RXRA: variants seen among roughly 807,000 people sequenced by gnomAD.
RXRA encodes the protein retinoic acid receptor RXR-alpha.
Under a neutral mutation model 44.5 loss-of-function variants are expected in RXRA, and 5 were observed. That is an observed-to-expected ratio of 0.11 (90% CI 0.06 to 0.24). The LOEUF (loss-of-function observed/expected upper bound fraction) is 0.24, where lower values mean the gene tolerates loss of function less well. Among genes scored for constraint, RXRA ranks in the 10% least tolerant of loss-of-function variants. The pLI is 1.00. For synonymous variants in RXRA, 291 were observed against 271.4 expected, an observed-to-expected ratio of 1.07 and a Z score of -0.71; for missense variants, 412 against 646.5, an observed-to-expected ratio of 0.64 and a Z score of 3.93.
At chr9:134,329,092 A>G (rs1438646230) in intron 1 of RXRA, among the ~76,000 whole-genome samples, 2 of 152,238 alleles carry the variant, frequency 1.3e-5, no homozygotes, top group African/African-American at 4.8e-5. Context: ...CACAGAGTCC[A>G]AAGGTCTCAG....
intron 1 of RXRA, among the ~76,000 whole-genome samples, chr9:134,333,126 A>G (rs1835032001): frequency 6.6e-6 from 1 of 152,110 alleles, no homozygotes; most frequent in Admixed American, 6.5e-5. Context: ...GAGACCATGG[A>G]GGGGACCAGA....
At chr9:134,379,934 C>G (rs1748371187) in intron 1 of RXRA, 1 of 985,170 alleles carries the variant, frequency 1.0e-6, no homozygotes, top group African/African-American at 1.7e-5. Context: ...GTCTGAGACT[C>G]TGGCCTCCCA....
intron 9 of RXRA, among the ~76,000 whole-genome samples, chr9:134,434,642 G>C (rs574417003): frequency 6.6e-6 from 1 of 152,218 alleles, no homozygotes; most frequent in Non-Finnish European, 1.5e-5. Context: ...AGGCGGTCAC[G>C]GCCTGAGCGT....
At chr9:134,405,721 G>T (rs2119150881) in intron 2 of RXRA, 1 of 152,658 alleles carries the variant, frequency 6.6e-6, no homozygotes, top group Non-Finnish European at 1.5e-5. Flanking sequence ...GTCATGGCCT[G>T]TGCTCCTCCA....
At chr9:134,381,327 TGA>T (rs1041888546) in intron 1 of RXRA, among the ~76,000 whole-genome samples, 5 of 145,030 alleles carry the variant, frequency 3.4e-5, no homozygotes, top group South Asian at 2.1e-4. Context: ...CTGGAGGAGT[TGA>T]GCTCAGACCT....
At chr9:134,386,631 G>A (rs1039505891) in intron 1 of RXRA, among the ~76,000 whole-genome samples, 5 of 152,206 alleles carry the variant, frequency 3.3e-5, no homozygotes, top group African/African-American at 1.2e-4. Context: ...TCATGGGAGC[G>A]TTCTGATTCT....
At chr9:134,339,692 TCTGTGTGTGTGC>T (rs1444058082) in intron 1 of RXRA, among the ~76,000 whole-genome samples, 3 of 149,752 alleles carry the variant, frequency 2.0e-5, no homozygotes, top group Non-Finnish European at 3.0e-5. Flanking sequence ...TGTGTGTGTC[TCTGTGTGTGTGC>T]CTGTGTGTGT....
At chr9:134,401,945 GCAGGACGAC>G (rs1265179738) in intron 2 of RXRA, 63 bp downstream of exon 2, 2 of 1,335,570 alleles carry the variant, frequency 1.5e-6, no homozygotes, top group South Asian at 2.8e-5. Context: ...GGCTTCAACT[GCAGGACGAC>G]CGCCTCATCT....
At chr9:134,350,879 GTCC>G (rs1412759427) in intron 1 of RXRA, among the ~76,000 whole-genome samples, 2 of 152,226 alleles carry the variant, frequency 1.3e-5, no homozygotes, top group African/African-American at 2.4e-5. Flanking sequence ...CTGCCGCCTT[GTCC>G]TCATCTGTAC....
chr9:134,386,150 C>T (rs910775530), intron 1 of RXRA, among the ~76,000 whole-genome samples: 7 of 152,248 alleles, frequency 4.6e-5, no homozygotes, highest in African/African-American at 1.4e-4. Context: ...CGACCAGCTC[C>T]AGGCTGCCTG....
intron 6 of RXRA, chr9:134,423,432 C>T: frequency 1.0e-6 from 1 of 985,458 alleles, no homozygotes. Flanking sequence ...GTGGAGAAGA[C>T]ACAGCCAGAG....
intron 1 of RXRA, among the ~76,000 whole-genome samples, chr9:134,336,828 A>G (rs1408423454): frequency 6.6e-6 from 1 of 152,110 alleles, no homozygotes; most frequent in Non-Finnish European, 1.5e-5. Context: ...TGCAAAGTTG[A>G]TTTCTCAAAT....
intron 1 of RXRA, among the ~76,000 whole-genome samples, chr9:134,332,644 G>T (rs1238452660): frequency 6.6e-6 from 1 of 152,154 alleles, no homozygotes; most frequent in African/African-American, 2.4e-5. Flanking sequence ...CACGTGTGAG[G>T]TGAGGCTGGG....
At chr9:134,384,686 C>T (rs1830693397) in intron 1 of RXRA, among the ~76,000 whole-genome samples, 1 of 152,160 alleles carries the variant, frequency 6.6e-6, no homozygotes, top group African/African-American at 2.4e-5. Flanking sequence ...GGGCCGTCAC[C>T]CGGTCGGCCT....
intron 1 of RXRA, among the ~76,000 whole-genome samples, chr9:134,376,520 GC>G (rs968423594): frequency 6.6e-6 from 1 of 152,286 alleles, no homozygotes; most frequent in African/African-American, 2.4e-5. Context: ...GCAGCCCTGG[GC>G]TCATGACTTG....
chr9:134,425,269 C>T lies in RXRA; in HGVS notation c.910+3464C>T, dbSNP rs561518597. On this transcript the variant is annotated intron_variant, in intron 6 of 9. Transcript: ENST00000481739. ...GCCCCTTCCTTGGGGTGGGCTGCTGCCCTACCCGTCCAGGAGGCCTTCAGA... is the reference window on the plus strand; with the variant it reads ...GCCCCTTCCTTGGGGTGGGCTGCTGTCCTACCCGTCCAGGAGGCCTTCAGA... 58 of 985,348 alleles carry T rather than the reference C, an allele frequency of 5.9e-5. No individual in the cohort carries two copies. In the African/African-American group the frequency reaches 8.4e-4, roughly 14 times the overall value. 61.0% of individuals were successfully genotyped at this position (985,348 alleles called of 1,614,324 possible).
intron 4 of RXRA, 140 bp downstream of exon 4, chr9:134,409,259 G>A: frequency 1.1e-6 from 1 of 873,416 alleles, no homozygotes; most frequent in Non-Finnish European, 1.7e-6. Flanking sequence ...CAGGAGTGGG[G>A]GCGGGGCCCA....
chr9:134,434,951 C>A (rs1831593044), intron 9 of RXRA, among the ~76,000 whole-genome samples: 1 of 152,168 alleles, frequency 6.6e-6, no homozygotes, highest in Non-Finnish European at 1.5e-5. Flanking sequence ...TAACCGTGTC[C>A]CCGCTGCCTG....
chr9:134,417,318 C>T lies in RXRA; in HGVS notation c.771C>T (p.Asn257=). Residue 257 remains asparagine (N), a synonymous_variant, in exon 5 of 10, where the codon AAC becomes AAT. Transcript: ENST00000481739. This position sits in a 1 kb window ranked among gnomAD's most constrained non-coding sequence, Gnocchi z 6.1. ...ACGTGGAGGCAAACATGGGGCTGAA[C>T]CCCAGCTCGGTGAGTTGCAGCCTGT... is the stretch of plus-strand genomic sequence containing the variant. ...ETYVEANMGL[N]PSSPNDPVTN... 1 of 1,613,470 alleles carries T rather than the reference C, an allele frequency of 6.2e-7. No individual in the cohort carries two copies. The highest frequency in any genetic ancestry group is 8.5e-7 in the Non-Finnish European group (1 of 1,179,848).
Sources: gnomAD v4.1 joint callset for allele counts (sites outside exome capture counted in the v4.1 genomes callset) on GRCh38, gnomAD v4.1.1 for gene constraint, Gnocchi (gnomAD v3.1) non-coding constraint, MANE v1.5 for transcripts, NCBI Gene and HGNC (gene_info 2026-07-23, HGNC 2026-07-21) for gene names.